Variants in QRFP observed in about 807,000 individuals in gnomAD.
The protein encoded by QRFP is pyroglutamylated RFamide peptide.
QRFP carries 7 observed loss-of-function variants against 9.1 expected under a neutral mutation model. The observed-to-expected ratio is 0.77, with a 90% CI of 0.44 to 1.45. QRFP has a LOEUF of 1.45. Among genes scored for constraint, QRFP ranks in the 40% most tolerant of loss-of-function variants. QRFP has a pLI of 0.01. For synonymous variants in QRFP, 91 were observed against 80.2 expected, an observed-to-expected ratio of 1.13 and a Z score of -0.72; for missense variants, 204 against 185.4, an observed-to-expected ratio of 1.10 and a Z score of -0.58.
At position 130,896,425 on chromosome 9, in the gene QRFP, A is replaced by G. The variant is rs144417810; in HGVS notation, c.-286+152T>C. On this transcript the variant is annotated intron_variant, in intron 1 of 2. Coordinates refer to ENST00000623824, the MANE Select transcript of QRFP (RefSeq NM_198180.3). ...CGAGGGTCACCTCTGGGAGGCCAGC[A>G]GGAGGACCCAGCCTCTGCTCCTTGC... Among the ~76,000 whole-genome samples the G allele has an allele frequency of 2.2e-4, 34 of 152,264 alleles. 1 individual carries two copies. The East Asian group carries it at 4.8e-3, about 22-fold the overall frequency.
rs544665917 is a variant in QRFP at position 130,894,307 on chromosome 9, A to T, written c.1-469T>A. ...CTGCTAATGTCTCTTTCACGTGGGA[A>T]CGAGTTGCTCCTGAAAGCCAGAAAC... is the stretch of plus-strand genomic sequence containing the variant. On this transcript the variant is annotated intron_variant, in intron 2 of 2. Coordinates refer to ENST00000623824, the MANE Select transcript of QRFP (RefSeq NM_198180.3). Among the ~76,000 whole-genome samples the T allele has an allele frequency of 3.9e-5, 6 of 152,278 alleles. No individual in the cohort carries two copies. The South Asian group carries it at 8.3e-4, about 21-fold the overall frequency.
Position 130,893,346 on chromosome 9 carries a change from C to CT in QRFP, c.*81dup. 7.0e-7 allele frequency: 1 copy of CT among 1,421,282 alleles called. No homozygotes were observed. Among genetic ancestry groups the CT allele is most frequent in the Non-Finnish European group, 9.5e-7 (1 of 1,050,342 alleles). 88.0% of individuals were successfully genotyped at this position (1,421,282 alleles called of 1,614,324 possible). A position where few individuals can be genotyped will look rare whatever the true frequency, so the allele number is the denominator to read the frequency against. On this transcript the variant is annotated 3_prime_UTR_variant, in exon 3 of 3. Coordinates refer to ENST00000623824, the MANE Select transcript of QRFP (RefSeq NM_198180.3). ...GCCTACATCATCTGGGTGTCGTGGT[C>CT]TTTGAGACTGGGGGAGAAGGCAGGA...
rs1482256940 is a variant in QRFP at position 130,893,486 on chromosome 9, T to C, written c.353A>G (p.Glu118Gly). The C allele has an allele frequency of 2.5e-6, 4 of 1,605,184 alleles. No homozygotes were observed. The Admixed American group carries it at 6.7e-5, about 27-fold the overall frequency. Reference sequence around the variant, plus strand: ...TTTCTTCCTGCTGTAGCCATTGAGCTCCTCAGCCAGGTTCCCTAACGGGCC... The same window carrying C: ...TTTCTTCCTGCTGTAGCCATTGAGCCCCTCAGCCAGGTTCCCTAACGGGCC... ...TSGPLGNLAE[E>G]LNGYSRKKGG... Residue 118 changes from glutamate (E) to glycine (G), a missense_variant, in exon 3 of 3, where the codon GAG becomes GGG. Coordinates refer to ENST00000623824, the MANE Select transcript of QRFP (RefSeq NM_198180.3).
rs760770260 is a variant in QRFP, at chr9:130,893,694, G to A, written c.145C>T (p.Pro49Ser). Reference protein sequence around the residue: ...RWADLAMGPRPHSVWGSSRWL... With the variant: ...RWADLAMGPRSHSVWGSSRWL... ...CGAGAGGAACCCCACACGGAGTGGG[G>A]TCGGGGCCCCATGGCCAGGTCGGCC... is the stretch of plus-strand genomic sequence containing the variant. The change falls in exon 3 of 3, where the codon CCC (proline) becomes TCC (serine). Residue 49 changes from proline (P) to serine (S), a missense_variant. Transcript: ENST00000623824. 2 of 1,610,026 alleles carry A rather than the reference G, an allele frequency of 1.2e-6. No individual in the cohort carries two copies. The highest frequency in any genetic ancestry group is 1.7e-5 in the Admixed American group (1 of 59,544).
chr9:130,893,875 C>T (rs953649035), intron 2 of QRFP, 37 bp from the exon 3 acceptor site: 2 of 1,484,614 alleles, frequency 1.3e-6, no homozygotes, highest in East Asian at 4.7e-5. Context: ...TGACAGGCTG[C>T]ACACGTGGCC....
At chr9:130,895,436 G>A (rs1831743409) in intron 2 of QRFP, among the ~76,000 whole-genome samples, 2 of 152,226 alleles carry the variant, frequency 1.3e-5, no homozygotes, top group African/African-American at 2.4e-5. Flanking sequence ...CGGGACAGGC[G>A]GCCCCAGCGC....
intron 1 of QRFP, 64 bp from the exon 2 acceptor site, chr9:130,896,045 G>A (rs1564329000): frequency 6.6e-6 from 1 of 152,216 alleles, no homozygotes; most frequent in Non-Finnish European, 1.5e-5. Flanking sequence ...CGAGTCCCTT[G>A]GCGGGGGTTC....
chr9:130,895,468 C>A (rs1473854311), intron 2 of QRFP, among the ~76,000 whole-genome samples: 1 of 152,240 alleles, frequency 6.6e-6, no homozygotes, highest in Admixed American at 6.5e-5. Context: ...TCAGGCCCCA[C>A]AGCCAGGAAG....
At position 130,893,564 on chromosome 9, in the gene QRFP, TC is replaced by T. The variant is rs2133050844; in HGVS notation, c.274del (p.Asp92ThrfsTer21). On this transcript the variant is annotated frameshift_variant, in exon 3 of 3. Coordinates refer to ENST00000623824, the MANE Select transcript of QRFP (RefSeq NM_198180.3). LOFTEE classifies it high-confidence loss of function. The part of the protein sequence containing the change: ...AGCRFRFGRQ[D>X]EGSEATGFLP... ...GAAGCCGGTGGCCTCACTGCCTTCG[TC>T]CTGCCTCCCGAAGCGGAATCTGCAG... 1.9e-6 allele frequency: 3 copies of T among 1,612,780 alleles called. No individual in the cohort carries two copies. In the East Asian group the frequency reaches 6.7e-5, roughly 36 times the overall value.
At chr9:130,894,707 T>C (rs1831733998) in intron 2 of QRFP, among the ~76,000 whole-genome samples, 2 of 152,100 alleles carry the variant, frequency 1.3e-5, no homozygotes. Context: ...CTCATGGCCT[T>C]ATCAGTGCCA....
intron 1 of QRFP, among the ~76,000 whole-genome samples, 176 bp from the exon 2 acceptor site, chr9:130,896,157 G>T (rs1406853054): frequency 6.6e-6 from 1 of 152,172 alleles, no homozygotes; most frequent in Admixed American, 6.5e-5. Flanking sequence ...CACACCTACT[G>T]CCCAGCTTGC....
At position 130,893,121 on chromosome 9, in the gene QRFP, G is replaced by A. The variant is rs1489831630; in HGVS notation, c.*307C>T. On this transcript the variant is annotated 3_prime_UTR_variant, in exon 3 of 3. Transcript: ENST00000623824. ...CTCTGCTATTCACACTCATGGCCCA[G>A]CCACAGCCTCAGCTCCGTGCCCCTG... 1.8e-5 allele frequency: 5 copies of A among 278,388 alleles called. No homozygotes were observed. Among genetic ancestry groups the A allele is most frequent in the Non-Finnish European group, 6.7e-6 (1 of 149,720 alleles). The allele number at this position is 278,388 out of a possible 1,614,324, so 17.2% of individuals were successfully genotyped here.
At chr9:130,894,508 G>T (rs958120271) in intron 2 of QRFP, among the ~76,000 whole-genome samples, 7 of 152,052 alleles carry the variant, frequency 4.6e-5, no homozygotes, top group Admixed American at 4.6e-4. Flanking sequence ...ACTTTTTCAG[G>T]CAACAAAACT....
At chr9:130,895,349 C>A (rs1428289501) in intron 2 of QRFP, among the ~76,000 whole-genome samples, 1 of 152,190 alleles carries the variant, frequency 6.6e-6, no homozygotes, top group East Asian at 1.9e-4. Flanking sequence ...CAGAGCAGGC[C>A]CTGGAGTGGC....
At chr9:130,896,410 C>T (rs1454045885) in intron 1 of QRFP, among the ~76,000 whole-genome samples, 167 bp downstream of exon 1, 2 of 152,206 alleles carry the variant, frequency 1.3e-5, no homozygotes, top group Non-Finnish European at 2.9e-5. Flanking sequence ...CGAGGGTCAC[C>T]TCTGGGAGGC....
intron 2 of QRFP, among the ~76,000 whole-genome samples, 171 bp from the exon 3 acceptor site, chr9:130,894,009 G>A (rs1430964728): frequency 2.0e-5 from 3 of 152,244 alleles, no homozygotes; most frequent in South Asian, 2.1e-4. Flanking sequence ...AGCAGGATCA[G>A]GAGGTGATTG....
rs887304577 is a variant in QRFP at position 130,892,734 on chromosome 9, A to G, written c.*694T>C. 3.9e-5 allele frequency: 6 copies of G among 152,196 alleles called. No homozygotes were observed. Among genetic ancestry groups the G allele is most frequent in the African/African-American group, 1.4e-4 (6 of 41,448 alleles). 9.4% of individuals were successfully genotyped at this position (152,196 alleles called of 1,614,324 possible). On this transcript the variant is annotated 3_prime_UTR_variant, in exon 3 of 3. Transcript: ENST00000623824. ...TTGCAGTTGTCACAACTTTTATTTG[A>G]AAAGATACACACGACATATTCTGAT...
intron 1 of QRFP, 37 bp downstream of exon 1, chr9:130,896,540 C>G (rs887330034): frequency 2.0e-5 from 3 of 152,356 alleles, no homozygotes; most frequent in African/African-American, 7.2e-5. Context: ...CACAGAGGGC[C>G]TCCCCCATTC....
At position 130,893,694 on chromosome 9, in the gene QRFP, G is replaced by C. The variant is rs760770260; in HGVS notation, c.145C>G (p.Pro49Ala). 3.1e-6 allele frequency: 5 copies of C among 1,610,026 alleles called. No individual in the cohort carries two copies. Among genetic ancestry groups the C allele is most frequent in the Non-Finnish European group, 4.2e-6 (5 of 1,178,256 alleles). ...CGAGAGGAACCCCACACGGAGTGGG[G>C]TCGGGGCCCCATGGCCAGGTCGGCC... ...RWADLAMGPRPHSVWGSSRWL... is the reference protein window; with the variant it reads ...RWADLAMGPRAHSVWGSSRWL... Residue 49 changes from proline to alanine, a missense_variant, in exon 3 of 3, where the codon CCC becomes GCC. Pro to Ala is a conservative substitution (Grantham distance 27). Coordinates refer to ENST00000623824, the MANE Select transcript of QRFP (RefSeq NM_198180.3).
Sources: gnomAD v4.1 joint callset for allele counts (sites outside exome capture counted in the v4.1 genomes callset) on GRCh38, gnomAD v4.1.1 for gene constraint, MANE v1.5 for transcripts, NCBI Gene and HGNC (gene_info 2026-07-23, HGNC 2026-07-21) for gene names.